GGH: variants seen among roughly 807,000 people sequenced by gnomAD.
GGH encodes the protein gamma-Glu-X carboxypeptidase.
In GGH, 18 loss-of-function variants were observed where a neutral mutation model predicts 39.2. The observed-to-expected ratio is 0.46, with a 90% CI of 0.32 to 0.68. The LOEUF (loss-of-function observed/expected upper bound fraction) is 0.68, where lower values mean the gene tolerates loss of function less well. GGH is among the 30% of genes least tolerant of loss of function. The pLI is 0.04. For missense variants in GGH, 367 were observed against 384.1 expected (o/e 0.96, Z 0.37); for synonymous variants, 147 against 138.8 (o/e 1.06, Z -0.42).
At chr8:63,027,386 TGAA>T in intron 3 of GGH, 121 bp from the exon 4 acceptor site, 1 of 554,476 alleles carries the variant, frequency 1.8e-6, no homozygotes. Context: ...ATAAGATCCT[TGAA>T]GAAAATTAGA....
intron 3 of GGH, among the ~76,000 whole-genome samples, chr8:63,028,842 A>C (rs1475281816): frequency 1.3e-5 from 2 of 152,180 alleles, no homozygotes; most frequent in Non-Finnish European, 2.9e-5. Flanking sequence ...TTCCTCTCCA[A>C]ACAGGAATGC....
At position 63,038,741 on chromosome 8, in the gene GGH, C is replaced by A. The variant is rs1554603808; in HGVS notation, c.28G>T (p.Val10Leu). Reference protein sequence around the residue: MASPGCLLCVLGLLLCGAAS... With the variant: MASPGCLLCLLGLLLCGAAS... ...GCCCCGCAGAGTAGCAGGCCCAGCACGCACAGCAGGCAGCCCGGACTGGCC... is the reference window on the plus strand; with the variant it reads ...GCCCCGCAGAGTAGCAGGCCCAGCAAGCACAGCAGGCAGCCCGGACTGGCC... The change falls in exon 1 of 9, where the codon GTG becomes TTG. Residue 10 changes from valine to leucine, a missense_variant. Transcript: ENST00000260118. 6.3e-7 allele frequency: 1 copy of A among 1,580,362 alleles called. No individual in the cohort carries two copies. The highest frequency in any genetic ancestry group is 8.6e-7 in the Non-Finnish European group (1 of 1,165,590).
intron 2 of GGH, among the ~76,000 whole-genome samples, chr8:63,033,217 A>G (rs1804838071): frequency 6.6e-6 from 1 of 152,240 alleles, no homozygotes; most frequent in African/African-American, 2.4e-5. Context: ...GTAACAGTTG[A>G]TAAAAATACA....
Position 63,027,239 on chromosome 8 carries a change from T to C in GGH, c.302A>G (p.Asp101Gly), listed in dbSNP as rs759342215. ...TTTAGCATAATCTGAGCGTCTGAGG[T>C]CAACACTTCCTCCAGGGAAAAGGAT... The part of the protein sequence containing the change: ...NGILFPGGSV[D>G]LRRSDYAKVA... The change falls in exon 4 of 9, where the codon GAC (aspartate) becomes GGC (glycine). Residue 101 changes from aspartate (D) to glycine (G), a missense_variant. Physicochemically the swap from Asp to Gly is moderately conservative, Grantham distance 94 (BLOSUM62 -1). Transcript: ENST00000260118. The C allele has an allele frequency of 5.6e-6, 9 of 1,597,234 alleles. 1 individual carries two copies. The highest frequency in any genetic ancestry group is 7.7e-6 in the Non-Finnish European group (9 of 1,164,924).
chr8:63,026,082 C>G (rs1804677920), intron 5 of GGH, 76 bp downstream of exon 5: 1 of 1,185,086 alleles, frequency 8.4e-7, no homozygotes, highest in Admixed American at 2.7e-5. Context: ...AAAATAAGCA[C>G]TTTTACTTTC....
At chr8:63,015,745 C>T (rs745878102) in intron 8 of GGH, among the ~76,000 whole-genome samples, 9 of 152,036 alleles carry the variant, frequency 5.9e-5, no homozygotes, top group Non-Finnish European at 1.2e-4. Context: ...GGCACAGTCG[C>T]GCATGGCCAC....
intron 7 of GGH, among the ~76,000 whole-genome samples, chr8:63,022,114 A>C (rs972201807): frequency 6.6e-6 from 1 of 152,104 alleles, no homozygotes; most frequent in Non-Finnish European, 1.5e-5. Flanking sequence ...TTTTTTACGA[A>C]CACAACTTCT....
At chr8:63,031,692 T>A (rs10957267) in intron 2 of GGH, among the ~76,000 whole-genome samples, 27,349 of 152,176 alleles carry the variant, frequency 0.18, 2,631 homozygotes, top group East Asian at 0.41. Context: ...CCCATTTATC[T>A]CTATTAAGAG....
chr8:63,027,023 T>C (rs1381806331), intron 4 of GGH, 158 bp downstream of exon 4: 8 of 634,352 alleles, frequency 1.3e-5, no homozygotes, highest in South Asian at 3.5e-5. Flanking sequence ...ACATGGAAAA[T>C]AGGCGGGAGC....
Position 63,027,256 on chromosome 8 carries a change from G to C in GGH, c.285C>G (p.Phe95Leu). Residue 95 changes from phenylalanine (F) to leucine (L), a missense_variant, in exon 4 of 9, where the codon TTC becomes TTG. Physicochemically the swap from Phe to Leu is conservative, Grantham distance 22. Transcript: ENST00000260118. ...GTCTGAGGTCAACACTTCCTCCAGG[G>C]AAAAGGATTCTGAAACAACGTTACA... ...ILFKSINGILFPGGSVDLRRS... is the reference protein window; with the variant it reads ...ILFKSINGILLPGGSVDLRRS... 1 of 1,588,224 alleles carries C rather than the reference G, an allele frequency of 6.3e-7. No individual in the cohort carries two copies. Among genetic ancestry groups the C allele is most frequent in the South Asian group, 1.1e-5 (1 of 90,522 alleles).
At chr8:63,031,538 C>A (rs1804805979) in intron 2 of GGH, among the ~76,000 whole-genome samples, 1 of 152,156 alleles carries the variant, frequency 6.6e-6, no homozygotes, top group African/African-American at 2.4e-5. Context: ...AATGGGCAAC[C>A]ATCGCCATCA....
chr8:63,029,067 A>C (rs889078101), intron 3 of GGH, among the ~76,000 whole-genome samples: 1 of 152,234 alleles, frequency 6.6e-6, no homozygotes, highest in African/African-American at 2.4e-5. Context: ...ATAATTTTCT[A>C]AACATAGCTT....
In GGH at chr8:63,017,495, T is replaced by C; in HGVS notation, c.833A>G (p.Glu278Gly). 5.0e-6 allele frequency: 8 copies of C among 1,607,490 alleles called. No homozygotes were observed. The highest frequency in any genetic ancestry group is 6.8e-6 in the Non-Finnish European group (8 of 1,176,848). Reference sequence around the variant, plus strand: ...AAAATTATGTACCCTCATATTACCTTCATTAACAAAAAACTCTGCTAAATA... The same window carrying C: ...AAAATTATGTACCCTCATATTACCTCCATTAACAAAAAACTCTGCTAAATA... ...AFYLAEFFVNEARKNNHHFKS... is the reference protein window; with the variant it reads ...AFYLAEFFVNGARKNNHHFKS... The change falls in exon 8 of 9, where the codon GAA (glutamate) becomes GGA (glycine). Residue 278 changes from glutamate (E) to glycine (G), a missense_variant and splice_region_variant. Coordinates refer to ENST00000260118, the MANE Select transcript of GGH (RefSeq NM_003878.3).
intron 2 of GGH, among the ~76,000 whole-genome samples, chr8:63,030,627 C>G (rs2129670042): frequency 6.6e-6 from 1 of 152,258 alleles, no homozygotes; most frequent in South Asian, 2.1e-4. Context: ...ACAGGAAGCT[C>G]TGGCAGATTA....
At chr8:63,025,721 ACT>A (rs1452716954) in intron 5 of GGH, among the ~76,000 whole-genome samples, 1 of 151,640 alleles carries the variant, frequency 6.6e-6, no homozygotes, top group Non-Finnish European at 1.5e-5. Flanking sequence ...ACAGAGAGAG[ACT>A]CTGTCTTAAA....
At chr8:63,032,372 G>T (rs989914951) in intron 2 of GGH, among the ~76,000 whole-genome samples, 8 of 152,116 alleles carry the variant, frequency 5.3e-5, no homozygotes, top group African/African-American at 1.9e-4. Flanking sequence ...AACAAAACAC[G>T]TTTTTAAACC....
intron 5 of GGH, chr8:63,025,395 G>A (rs770709695): frequency 3.3e-5 from 5 of 152,110 alleles, no homozygotes; most frequent in East Asian, 1.9e-4. Context: ...TCATAATAAC[G>A]TTCCAGTAAA....
intron 5 of GGH, among the ~76,000 whole-genome samples, chr8:63,025,462 C>T (rs1382403855): frequency 1.3e-5 from 2 of 152,206 alleles, no homozygotes; most frequent in East Asian, 3.9e-4. Context: ...TATAGCGCTT[C>T]CCGGTAGATC....
intron 2 of GGH, among the ~76,000 whole-genome samples, chr8:63,032,924 T>C (rs1271439868): frequency 6.6e-6 from 1 of 152,220 alleles, no homozygotes; most frequent in Non-Finnish European, 1.5e-5. Flanking sequence ...CTGTGCCCTT[T>C]TATTAGTCAT....
Sources: gnomAD v4.1 joint callset for allele counts (sites outside exome capture counted in the v4.1 genomes callset) on GRCh38, gnomAD v4.1.1 for gene constraint, MANE v1.5 for transcripts, NCBI Gene and HGNC (gene_info 2026-07-23, HGNC 2026-07-21) for gene names.